TLK1: variants seen among roughly 807,000 people sequenced by gnomAD.
TLK1 encodes serine/threonine-protein kinase tousled-like 1.
A neutral mutation model predicts 105.3 loss-of-function variants in TLK1; 24 were observed. That is an observed-to-expected ratio of 0.23 (90% CI 0.17 to 0.32). The LOEUF is 0.32. Among genes scored for constraint, TLK1 ranks in the 10% least tolerant of loss-of-function variants. The pLI, the probability that TLK1 is intolerant of heterozygous loss-of-function variation, is 1.00. For synonymous variants in TLK1, 321 were observed against 310.4 expected, an observed-to-expected ratio of 1.03 and a Z score of -0.36; for missense variants, 558 against 910.5, an observed-to-expected ratio of 0.61 and a Z score of 4.98.
At chr2:171,101,498 G>C (rs1689691171) in intron 2 of TLK1, among the ~76,000 whole-genome samples, 1 of 152,146 alleles carries the variant, frequency 6.6e-6, no homozygotes, top group Non-Finnish European at 1.5e-5. Context: ...AAGGAAAGTT[G>C]CTGCTAATGT....
At chr2:171,029,655 T>C (rs1284382559) in intron 11 of TLK1, among the ~76,000 whole-genome samples, 1 of 151,242 alleles carries the variant, frequency 6.6e-6, no homozygotes, top group Non-Finnish European at 1.5e-5. Flanking sequence ...TATAAATAGA[T>C]ACAGGACTTT....
intron 1 of TLK1, among the ~76,000 whole-genome samples, chr2:171,149,715 G>A (rs535679409): frequency 1.3e-5 from 2 of 152,250 alleles, no homozygotes; most frequent in African/African-American, 4.8e-5. Context: ...AGACCAGCCT[G>A]GGCAACATAG....
At chr2:170,994,810 G>A (rs1206784689) in intron 20 of TLK1, 4 of 422,132 alleles carry the variant, frequency 9.5e-6, no homozygotes, top group Non-Finnish European at 1.4e-5. Context: ...TCCTTTGCCA[G>A]GCCTCTTTCA....
At chr2:171,151,776 T>C (rs182843186) in intron 1 of TLK1, among the ~76,000 whole-genome samples, 9 of 152,228 alleles carry the variant, frequency 5.9e-5, no homozygotes, top group Non-Finnish European at 1.5e-5. Context: ...CGCCCAGCCA[T>C]GTGTATCTTT....
At chr2:171,128,091 G>T (rs1690944304) in intron 1 of TLK1, among the ~76,000 whole-genome samples, 1 of 151,962 alleles carries the variant, frequency 6.6e-6, no homozygotes, top group African/African-American at 2.4e-5. Context: ...AATATAATTG[G>T]TCTTTTTAAA....
intron 1 of TLK1, among the ~76,000 whole-genome samples, chr2:171,228,556 A>G (rs1025592411): frequency 1.3e-5 from 2 of 152,226 alleles, no homozygotes; most frequent in Admixed American, 1.3e-4. Flanking sequence ...GTCTCTAAAA[A>G]AACCCAAAGA....
At chr2:171,210,150 G>A (rs1693586123) in intron 1 of TLK1, among the ~76,000 whole-genome samples, 1 of 152,150 alleles carries the variant, frequency 6.6e-6, no homozygotes, top group African/African-American at 2.4e-5. Flanking sequence ...GATCAGCCAA[G>A]CAACTGATTA....
intron 18 of TLK1, among the ~76,000 whole-genome samples, chr2:170,999,814 A>G (rs945164183): frequency 1.3e-5 from 2 of 151,904 alleles, no homozygotes; most frequent in Non-Finnish European, 2.9e-5. Context: ...GGCTGAGTGC[A>G]GTGGTGCGAT....
intron 3 of TLK1, among the ~76,000 whole-genome samples, chr2:171,079,838 G>A (rs1688670753): frequency 1.3e-5 from 2 of 152,214 alleles, no homozygotes; most frequent in South Asian, 4.2e-4. Flanking sequence ...AAAGAGTACT[G>A]GGTAGGAGAA....
intron 1 of TLK1, among the ~76,000 whole-genome samples, chr2:171,191,551 C>A (rs1693154687): frequency 6.6e-6 from 1 of 152,154 alleles, no homozygotes; most frequent in African/African-American, 2.4e-5. Flanking sequence ...GATACCCACC[C>A]CTTTCTCCTG....
chr2:171,160,623 G>A lies in TLK1; in HGVS notation c.-195C>T, dbSNP rs182243854. 5.1e-5 allele frequency: 42 copies of A among 818,140 alleles called. 1 individual carries two copies. In the African/African-American group the frequency reaches 7.6e-4, roughly 15 times the overall value. 50.7% of individuals were successfully genotyped at this position (818,140 alleles called of 1,614,324 possible). On this transcript the variant is annotated 5_prime_UTR_variant, in exon 1 of 21. Coordinates refer to ENST00000431350, the MANE Select transcript of TLK1 (RefSeq NM_012290.5). This position sits in a 1 kb window ranked among gnomAD's most constrained non-coding sequence, Gnocchi z 4.4. ...GGAGGAAAGAGGTGAGGGAAGGAGA[G>A]GGGACAGGGAGGAGGGAAAGGGGGA...
At chr2:170,994,366 CTT>C in intron 20 of TLK1, among the ~76,000 whole-genome samples, 1 of 151,920 alleles carries the variant, frequency 6.6e-6, no homozygotes, top group South Asian at 2.1e-4. Flanking sequence ...GACATAAAGA[CTT>C]TCTTTAGATG....
chr2:171,206,829 G>C (rs1290536878), intron 1 of TLK1, among the ~76,000 whole-genome samples: 1 of 152,170 alleles, frequency 6.6e-6, no homozygotes, highest in Non-Finnish European at 1.5e-5. Flanking sequence ...TTAGGGAATT[G>C]CAAACTGAAA....
Position 171,210,853 on chromosome 2 carries a change from C to T in TLK1, c.-6+20292G>A, listed in dbSNP as rs1693600586. ...GAAATCTAGGAACTGATAACAGGAT[C>T]TAGGCTTCTCTGACTGTTACCAGGA... is the stretch of plus-strand genomic sequence containing the variant. On this transcript the variant is annotated intron_variant, in intron 1 of 20. Transcript: ENST00000521943. Among the ~76,000 whole-genome samples the T allele has an allele frequency of 2.0e-5, 3 of 152,306 alleles. No homozygotes were observed. In the South Asian group the frequency reaches 6.2e-4, roughly 32 times the overall value.
At chr2:171,038,148 T>C (rs1259508701) in intron 11 of TLK1, among the ~76,000 whole-genome samples, 2 of 152,220 alleles carry the variant, frequency 1.3e-5, no homozygotes, top group Non-Finnish European at 2.9e-5. Flanking sequence ...TTATAATGTG[T>C]TGTTTCCTTT....
chr2:171,148,890 A>AAAAAAAAATATAT (rs1445171800), intron 1 of TLK1, among the ~76,000 whole-genome samples: 3 of 138,466 alleles, frequency 2.2e-5, no homozygotes, highest in Admixed American at 7.3e-5. Context: ...AAAAAAAAAA[A>AAAAAAAAATATAT]ATATATATAT....
At position 171,195,711 on chromosome 2, in the gene TLK1, A is replaced by G. The variant is rs116028679; in HGVS notation, c.-6+35434T>C. Among the ~76,000 whole-genome samples, 452 of 152,234 alleles carry G rather than the reference A, an allele frequency of 3.0e-3. 2 individuals are homozygous for G. Among genetic ancestry groups the G allele is most frequent in the African/African-American group, 0.01 (416 of 41,544 alleles). On this transcript the variant is annotated intron_variant, in intron 1 of 20. Coordinates refer to the TLK1 transcript ENST00000521943. ...TGGAGCATGTGGATAAACACCTAAA[A>G]TGATTACATTTATAAGATTTTCTGT...
At chr2:171,006,377 CAA>C in intron 17 of TLK1, 95 bp from the exon 18 acceptor site, 1 of 1,476,116 alleles carries the variant, frequency 6.8e-7, no homozygotes, top group Non-Finnish European at 9.1e-7. Context: ...TGATGTCTTA[CAA>C]GAGAAACCAA....
chr2:171,108,459 A>T (rs1346485527), intron 2 of TLK1, among the ~76,000 whole-genome samples: 1 of 152,216 alleles, frequency 6.6e-6, no homozygotes, highest in Non-Finnish European at 1.5e-5. Context: ...GTAAAGTACA[A>T]GAAGACATTA....
Sources: allele counts gnomAD v4.1 joint callset (sites outside exome capture counted in the v4.1 genomes callset), GRCh38; gene constraint gnomAD v4.1.1; non-coding constraint Gnocchi (gnomAD v3.1); transcripts MANE v1.5; gene names NCBI Gene and HGNC (gene_info 2026-07-23, HGNC 2026-07-21).